Variants in SENP7 observed in about 807,000 individuals in gnomAD.
The protein encoded by SENP7 is sentrin-specific protease 7.
In SENP7, 64 loss-of-function variants were observed where a neutral mutation model predicts 141.2. The ratio of observed to expected loss-of-function variants is 0.45; its 90% confidence interval spans 0.37 to 0.56. The LOEUF (loss-of-function observed/expected upper bound fraction) is 0.56, where lower values mean the gene tolerates loss of function less well. Ranked by LOEUF, SENP7 falls within the 20% of genes least tolerant of loss-of-function variation. The probability of loss-of-function intolerance (pLI) is 0.00; values close to 1 mark genes in which losing one functional copy is unlikely to be tolerated. For missense variants in SENP7, 1,025 were observed against 1,212.2 expected (o/e 0.85, Z 2.29); for synonymous variants, 382 against 426.4 (o/e 0.90, Z 1.28).
intron 6 of SENP7, among the ~76,000 whole-genome samples, chr3:101,391,166 A>C (rs1261495019): frequency 6.6e-6 from 1 of 152,128 alleles, no homozygotes; most frequent in Non-Finnish European, 1.5e-5. Flanking sequence ...AAACAACCAA[A>C]TGATGCATCT....
intron 4 of SENP7, among the ~76,000 whole-genome samples, chr3:101,420,845 A>G (rs2061770989): frequency 6.6e-6 from 1 of 152,210 alleles, no homozygotes; most frequent in Non-Finnish European, 1.5e-5. Flanking sequence ...TCAAAACTCA[A>G]TGTGATGGTT....
Position 101,417,617 on chromosome 3 carries a change from C to A in SENP7, c.458G>T (p.Arg153Leu). The A allele has an allele frequency of 6.2e-7, 1 of 1,613,642 alleles. No homozygotes were observed. Among genetic ancestry groups the A allele is most frequent in the Non-Finnish European group, 8.5e-7 (1 of 1,179,646 alleles). ...LETCQKLEPLRQSLNLSERIP... is the reference protein window; with the variant it reads ...LETCQKLEPLLQSLNLSERIP... ...CCTTTCAGATAAATTAAGGCTTTGG[C>A]GAAGAGGTTCTAATTTTTGACATGT... Residue 153 changes from arginine (R) to leucine (L), a missense_variant, in exon 5 of 24, where the codon CGC becomes CTC. By Grantham distance (102) the Arg-to-Leu change is moderately radical (BLOSUM62 -2). Around this residue, in one of 4 missense-constraint regions of SENP7, gnomAD observed 496 missense variants for 503.5 expected, o/e 0.99. Coordinates refer to ENST00000394095, the MANE Select transcript of SENP7 (RefSeq NM_020654.5).
intron 7 of SENP7, 44 bp from the exon 8 acceptor site, chr3:101,368,055 A>G: frequency 6.7e-7 from 1 of 1,481,584 alleles, no homozygotes; most frequent in Non-Finnish European, 9.2e-7. Flanking sequence ...AAAAGTATAG[A>G]GAGAATCTCT....
At chr3:101,421,378 A>G (rs2061787670) in intron 4 of SENP7, among the ~76,000 whole-genome samples, 1 of 152,188 alleles carries the variant, frequency 6.6e-6, no homozygotes, top group Non-Finnish European at 1.5e-5. Flanking sequence ...ATGACCAAAT[A>G]AAAATGCAAA....
chr3:101,405,397 AG>A (rs970037673), intron 5 of SENP7, among the ~76,000 whole-genome samples: 1 of 152,168 alleles, frequency 6.6e-6, no homozygotes, highest in Non-Finnish European at 1.5e-5. Flanking sequence ...TACTATAATA[AG>A]GGAACACCCC....
rs756043951 is a variant in SENP7, at chr3:101,351,641, T to C, written c.1634A>G (p.Lys545Arg). Residue 545 changes from lysine (K) to arginine (R), a missense_variant, in exon 12 of 24, where the codon AAA (lysine) becomes AGA (arginine). Transcript: ENST00000394095. ...ACCTTGAAATGGGATCTTAATATAT[T>C]TTTTTGTGATCTGAAGAAAAAATTA... is the stretch of plus-strand genomic sequence containing the variant. The part of the protein sequence containing the change: ...ASKGCVTITK[K>R]YIKIPFQVSL... 12 of 1,351,898 alleles carry C rather than the reference T, an allele frequency of 8.9e-6. No individual in the cohort carries two copies. Among genetic ancestry groups the C allele is most frequent in the African/African-American group, 1.5e-5 (1 of 65,702 alleles). 83.7% of individuals were successfully genotyped at this position (1,351,898 alleles called of 1,614,324 possible). A position where few individuals can be genotyped will look rare whatever the true frequency, so the allele number is the denominator to read the frequency against.
chr3:101,357,978 C>T (rs2059788879), intron 11 of SENP7: 1 of 624,346 alleles, frequency 1.6e-6, no homozygotes, highest in East Asian at 5.1e-5. Flanking sequence ...CCCCTTTTTT[C>T]ACATAAGAAA....
intron 3 of SENP7, among the ~76,000 whole-genome samples, chr3:101,487,722 T>A (rs1246556938): frequency 6.6e-6 from 1 of 152,228 alleles, no homozygotes; most frequent in East Asian, 1.9e-4. Context: ...TAGGGAATCC[T>A]TTCCCCATTA....
At chr3:101,505,568 A>G (rs368172564) in intron 1 of SENP7, among the ~76,000 whole-genome samples, 18 of 152,234 alleles carry the variant, frequency 1.2e-4, no homozygotes, top group East Asian at 9.6e-4. Context: ...ATTTTTTTAT[A>G]GCTGACTTGC....
Position 101,470,832 on chromosome 3 carries a change from T to C in SENP7, c.187-11780A>G, listed in dbSNP as rs1403434313. Among the ~76,000 whole-genome samples, 4 of 152,076 alleles carry C rather than the reference T, an allele frequency of 2.6e-5. No homozygotes were observed. In the East Asian group the frequency reaches 7.7e-4, roughly 29 times the overall value. On this transcript the variant is annotated intron_variant, in intron 3 of 23. Coordinates refer to ENST00000394095, the MANE Select transcript of SENP7 (RefSeq NM_020654.5). Reference sequence around the variant, plus strand: ...AGGATACAAAATAAATGTGCAAAAATCACAAGCATTCTTATACACCCTTAA... The same window carrying C: ...AGGATACAAAATAAATGTGCAAAAACCACAAGCATTCTTATACACCCTTAA...
intron 3 of SENP7, among the ~76,000 whole-genome samples, chr3:101,477,457 T>C (rs1422217804): frequency 6.6e-6 from 1 of 151,918 alleles, no homozygotes; most frequent in Non-Finnish European, 1.5e-5. Context: ...GAGAAATTTA[T>C]AGCAATAAAT....
Position 101,337,622 on chromosome 3 carries a change from T to C in SENP7, c.2367A>G (p.Ile789Met). ...VIIDFYLKYL[I>M]LEKASDELVE... ...CAAGTTCATCTGATGCCTTCTCCAA[T>C]ATAAGATACCTGTAAAGTAGTAACC... Residue 789 changes from isoleucine (I) to methionine (M), a missense_variant, in exon 17 of 24, where the codon ATA becomes ATG. Physicochemically the swap from Ile to Met is conservative, Grantham distance 10. Coordinates refer to ENST00000394095, the MANE Select transcript of SENP7 (RefSeq NM_020654.5). The C allele has an allele frequency of 6.2e-7, 1 of 1,600,348 alleles. No homozygotes were observed. The highest frequency in any genetic ancestry group is 1.1e-5 in the South Asian group (1 of 88,000).
At chr3:101,436,787 G>A (rs922263186) in intron 4 of SENP7, among the ~76,000 whole-genome samples, 7 of 152,168 alleles carry the variant, frequency 4.6e-5, no homozygotes, top group East Asian at 1.9e-4. Flanking sequence ...ACAAATGCTG[G>A]CAAGGATGTG....
chr3:101,428,101 G>A (rs928349825), intron 4 of SENP7, among the ~76,000 whole-genome samples: 1 of 152,168 alleles, frequency 6.6e-6, no homozygotes, highest in Admixed American at 6.5e-5. Flanking sequence ...TATCATTGAT[G>A]GGCATTCGGG....
rs762298259 is a variant in SENP7, at chr3:101,329,775, TAAAAAAAAAA to T, written c.2751+549_2751+558del. On this transcript the variant is annotated intron_variant, in intron 20 of 23. Coordinates refer to ENST00000394095, the MANE Select transcript of SENP7 (RefSeq NM_020654.5). Reference sequence around the variant, plus strand: ...CAACATGGCAAAACCCCATCTCTACTAAAAAAAAAAAAAAAAAAAAAATACAAAAATTAGC... The same window carrying T: ...CAACATGGCAAAACCCCATCTCTACTAAAAAAAAAAAATACAAAAATTAGC... 6.0e-5 allele frequency among the ~76,000 whole-genome samples: 6 copies of T among 100,474 alleles called. No individual in the cohort carries two copies. The Admixed American group carries it at 6.6e-4, about 11-fold the overall frequency. The allele number at this position is 100,474 out of a possible 152,430, so 65.9% of individuals were successfully genotyped here.
intron 4 of SENP7, among the ~76,000 whole-genome samples, chr3:101,453,112 A>G (rs2063210299): frequency 1.3e-5 from 2 of 152,232 alleles, no homozygotes; most frequent in Non-Finnish European, 2.9e-5. Context: ...GACACATGAA[A>G]AAATGCTCAT....
At chr3:101,405,153 A>G (rs926845651) in intron 5 of SENP7, among the ~76,000 whole-genome samples, 5 of 152,178 alleles carry the variant, frequency 3.3e-5, no homozygotes, top group Admixed American at 3.3e-4. Flanking sequence ...GAGGACCCAC[A>G]CACCTCCTGA....
intron 1 of SENP7, among the ~76,000 whole-genome samples, chr3:101,508,008 C>G (rs2065692643): frequency 7.5e-6 from 1 of 132,776 alleles, no homozygotes; most frequent in African/African-American, 2.9e-5. Context: ...GAGATCACGT[C>G]ACTGCACTCC....
chr3:101,510,670 T>C (rs2873540), intron 1 of SENP7, among the ~76,000 whole-genome samples: 60,142 of 151,534 alleles, frequency 0.4, 12,449 homozygotes, highest in Admixed American at 0.54. Flanking sequence ...CTGGCCAACA[T>C]TGTGAAACCC....
Sources: allele counts gnomAD v4.1 joint callset (sites outside exome capture counted in the v4.1 genomes callset), GRCh38; gene constraint gnomAD v4.1.1; regional missense constraint gnomAD v4.1.1; transcripts MANE v1.5; gene names NCBI Gene and HGNC (gene_info 2026-07-23, HGNC 2026-07-21).